The following TARBP1 variants were observed in gnomAD, a reference collection of about 807,000 sequenced individuals.
TARBP1 encodes tRNA guanosine 2 -O-methyltransferase TARBP1, also known as tRNA (guanosine(18)-2'-O)-methyltransferase TARBP1.
Under a neutral mutation model 178.6 loss-of-function variants are expected in TARBP1, and 144 were observed. That is an observed-to-expected ratio of 0.81 (90% CI 0.70 to 0.93). The LOEUF is 0.93. Among genes scored for constraint, TARBP1 ranks in the 40% least tolerant of loss-of-function variants. TARBP1 has a pLI of 0.00. For missense variants in TARBP1, 2,067 were observed against 2,011.7 expected, an observed-to-expected ratio of 1.03 and a Z score of -0.53; for synonymous variants, 787 against 781.0, an observed-to-expected ratio of 1.01 and a Z score of -0.13.
chr1:234,450,275 CT>C (rs1045717273), intron 10 of TARBP1, among the ~76,000 whole-genome samples, 152 bp downstream of exon 10: 1 of 151,822 alleles, frequency 6.6e-6, no homozygotes, highest in African/African-American at 2.4e-5. Context: ...AGTATCTTTA[CT>C]TTTTTTTCAC....
intron 1 of TARBP1, among the ~76,000 whole-genome samples, chr1:234,476,754 T>C (rs578127422): frequency 2.0e-5 from 3 of 152,362 alleles, no homozygotes; most frequent in African/African-American, 4.8e-5. Context: ...TATTTTATGA[T>C]ATAACTAAGA....
Position 234,429,158 on chromosome 1 carries a change from T to C in TARBP1, c.3038A>G (p.Gln1013Arg). The C allele has an allele frequency of 6.3e-7, 1 of 1,584,470 alleles. No homozygotes were observed. Among genetic ancestry groups the C allele is most frequent in the Non-Finnish European group, 8.5e-7 (1 of 1,172,506 alleles). ...TACCTCTTTTATTTTGAAATATGCC[T>C]GGCCCTTGATTTTGGCAGCAATGGT... The part of the protein sequence containing the change: ...VLTIAAKIKG[Q>R]AYFKIKEIMY... Residue 1013 changes from glutamine to arginine, a missense_variant, in exon 17 of 30, where the codon CAG becomes CGG. Coordinates refer to ENST00000040877, the MANE Select transcript of TARBP1 (RefSeq NM_005646.4).
At chr1:234,418,274 A>G in intron 21 of TARBP1, 41 bp from the exon 22 acceptor site, 2 of 1,499,284 alleles carry the variant, frequency 1.3e-6, no homozygotes, top group African/African-American at 1.5e-5. Context: ...ACAGTTATTC[A>G]TTTTAATTTA....
chr1:234,413,343 A>G (rs150330096), intron 22 of TARBP1, among the ~76,000 whole-genome samples: 23 of 152,302 alleles, frequency 1.5e-4, no homozygotes, highest in African/African-American at 5.3e-4. Flanking sequence ...GTGTGGTGGC[A>G]TGCACCTGTA....
chr1:234,465,655 C>T lies in TARBP1; in HGVS notation c.1301+1G>A. On this transcript the variant is annotated splice_donor_variant, in intron 5 of 29. Coordinates refer to ENST00000040877, the MANE Select transcript of TARBP1 (RefSeq NM_005646.4). LOFTEE classifies it high-confidence loss of function. ...TACTTCATAACATAATGTCTCTTTA[C>T]CTGCTATACAGAGAGCTCTCTGAAA... 6.4e-7 allele frequency: 1 copy of T among 1,566,112 alleles called. No individual in the cohort carries two copies.
chr1:234,419,014 T>A (rs1662761688), intron 21 of TARBP1, among the ~76,000 whole-genome samples: 1 of 151,616 alleles, frequency 6.6e-6, no homozygotes. Context: ...CTACTAAAAA[T>A]ACAAAAAATT....
intron 22 of TARBP1, among the ~76,000 whole-genome samples, chr1:234,415,539 G>C (rs1402150521): frequency 1.3e-5 from 2 of 152,036 alleles, no homozygotes; most frequent in East Asian, 1.9e-4. Context: ...ATGAGTGTTG[G>C]GGGACACTGA....
At chr1:234,419,016 C>CA (rs1160060469) in intron 21 of TARBP1, among the ~76,000 whole-genome samples, 1 of 151,732 alleles carries the variant, frequency 6.6e-6, no homozygotes. Flanking sequence ...ACTAAAAATA[C>CA]AAAAAATTAG....
At chr1:234,414,702 AGGCTGGGCGCGGT>A (rs1662220713) in intron 22 of TARBP1, among the ~76,000 whole-genome samples, 1 of 152,058 alleles carries the variant, frequency 6.6e-6, no homozygotes, top group African/African-American at 2.4e-5. Context: ...TGAAAAAATA[AGGCTGGGCGCGGT>A]GGCTCATGCC....
At chr1:234,453,506 T>C (rs571997746) in intron 9 of TARBP1, among the ~76,000 whole-genome samples, 1 of 152,096 alleles carries the variant, frequency 6.6e-6, no homozygotes, top group Non-Finnish European at 1.5e-5. Flanking sequence ...CTCTGCACTT[T>C]GTTTAATTTT....
chr1:234,399,865 T>C (rs2103040944), intron 25 of TARBP1, among the ~76,000 whole-genome samples: 1 of 117,944 alleles, frequency 8.5e-6, no homozygotes, highest in Admixed American at 1.1e-4. Flanking sequence ...AAGGGGAACA[T>C]TACACTCTGG....
At chr1:234,461,184 T>C (rs1330259634) in intron 6 of TARBP1, among the ~76,000 whole-genome samples, 1 of 152,226 alleles carries the variant, frequency 6.6e-6, no homozygotes, top group Non-Finnish European at 1.5e-5. Context: ...GTGAATTCTA[T>C]CTCAATAAAG....
intron 11 of TARBP1, among the ~76,000 whole-genome samples, chr1:234,447,530 G>A (rs907440807): frequency 2.0e-5 from 3 of 151,662 alleles, no homozygotes; most frequent in Non-Finnish European, 4.4e-5. Context: ...AAGTAGCTGG[G>A]ACCACAGGTG....
In TARBP1 at chr1:234,478,990, G is replaced by A; in HGVS notation, c.114C>T (p.Phe38=). 2 of 1,495,272 alleles carry A rather than the reference G, an allele frequency of 1.3e-6. No individual in the cohort carries two copies. The allele number at this position is 1,495,272 out of a possible 1,614,324, so 92.6% of individuals were successfully genotyped here. A position where few individuals can be genotyped will look rare whatever the true frequency, so the allele number is the denominator to read the frequency against. The change falls in exon 1 of 30, where the codon TTC becomes TTT. Residue 38 remains phenylalanine, a synonymous_variant. Coordinates refer to ENST00000040877, the MANE Select transcript of TARBP1 (RefSeq NM_005646.4). ...ASAERVETLR[F]LLQRLEDEEA... ...CCTCGTCCTCGAGCCGCTGCAGAAG[G>A]AAGCGCAGCGTCTCCACGCGCTCCG... is the stretch of plus-strand genomic sequence containing the variant.
At position 234,448,409 on chromosome 1, in the gene TARBP1, T is replaced by C. The variant is rs548725530; in HGVS notation, c.1961+71A>G. The C allele has an allele frequency of 6.8e-4, 913 of 1,350,286 alleles. 2 individuals carry two copies. The highest frequency in any genetic ancestry group is 8.8e-4 in the Non-Finnish European group (836 of 946,786). 83.6% of individuals were successfully genotyped at this position (1,350,286 alleles called of 1,614,324 possible). ...TCAACTAAGTTCAATCATTCAAAAA[T>C]CTGAATACACATCATAATTCTCATC... On this transcript the variant is annotated intron_variant, in intron 11 of 29. Transcript: ENST00000040877.
intron 1 of TARBP1, among the ~76,000 whole-genome samples, chr1:234,475,763 G>A (rs1669514579): frequency 6.6e-6 from 1 of 152,244 alleles, no homozygotes; most frequent in Non-Finnish European, 1.5e-5. Context: ...ACCCCTGAGG[G>A]AGGGACGAAG....
chr1:234,478,252 C>G lies in TARBP1; in HGVS notation c.852G>C (p.Ala284=), dbSNP rs781728593. Residue 284 remains alanine (A), a synonymous_variant, in exon 1 of 30, where the codon GCG becomes GCC. Coordinates refer to ENST00000040877, the MANE Select transcript of TARBP1 (RefSeq NM_005646.4). ...CCACCGCCCTCTGCAGCAGGTAGCGCGCTCGCTTGCGCGTCAGGGCGTCCG... is the reference window on the plus strand; with the variant it reads ...CCACCGCCCTCTGCAGCAGGTAGCGGGCTCGCTTGCGCGTCAGGGCGTCCG... ...GQADALTRKR[A]RYLLQRAVEV... The G allele has an allele frequency of 3.1e-6, 5 of 1,607,690 alleles. No individual in the cohort carries two copies. In the African/African-American group the frequency reaches 6.7e-5, roughly 21 times the overall value.
At chr1:234,417,434 G>GAAGAC (rs1662550374) in intron 22 of TARBP1, among the ~76,000 whole-genome samples, 2 of 152,112 alleles carry the variant, frequency 1.3e-5, no homozygotes, top group Non-Finnish European at 2.9e-5. Context: ...ACACAAAGAA[G>GAAGAC]AAGACAAGAT....
chr1:234,478,152 G>A, intron 1 of TARBP1, 21 bp downstream of exon 1: 1 of 1,609,270 alleles, frequency 6.2e-7, no homozygotes, highest in East Asian at 2.2e-5. Context: ...GCACTAGGCT[G>A]GGGGGCAAAG....
Sources: gnomAD v4.1 joint callset for allele counts (sites outside exome capture counted in the v4.1 genomes callset) on GRCh38, gnomAD v4.1.1 for gene constraint, MANE v1.5 for transcripts, NCBI Gene and HGNC (gene_info 2026-07-23, HGNC 2026-07-21) for gene names.